The following TTLL7 variants were observed in gnomAD, a reference collection of about 807,000 sequenced individuals.
The protein encoded by TTLL7 is tubulin polyglutamylase TTLL7.
In TTLL7, 53 loss-of-function variants were observed where a neutral mutation model predicts 120.2. The ratio of observed to expected loss-of-function variants is 0.44; its 90% CI spans 0.35 to 0.55. The LOEUF (loss-of-function observed/expected upper bound fraction) is 0.55, where lower values mean the gene tolerates loss of function less well. Ranked by LOEUF, TTLL7 falls within the 20% of genes least tolerant of loss-of-function variation. The pLI is 0.00. For missense variants in TTLL7, 803 were observed against 1,054.7 expected, an observed-to-expected ratio of 0.76 and a Z score of 3.31; for synonymous variants, 353 against 351.7, an observed-to-expected ratio of 1.00 and a Z score of -0.04.
intron 18 of TTLL7, among the ~76,000 whole-genome samples, chr1:83,896,801 CTTAGTT>C (rs1656264201): frequency 6.6e-6 from 1 of 152,092 alleles, no homozygotes; most frequent in African/African-American, 2.4e-5. Context: ...ATCCTCCACT[CTTAGTT>C]TATGTTTAGG....
intron 19 of TTLL7, 27 bp downstream of exon 19, chr1:83,890,294 G>A (rs890341145): frequency 1.7e-5 from 27 of 1,570,950 alleles, no homozygotes; most frequent in Non-Finnish European, 2.1e-5. Flanking sequence ...TAAAAATGAC[G>A]ATAATAAAAG....
intron 9 of TTLL7, among the ~76,000 whole-genome samples, chr1:83,931,501 A>G (rs988202938): frequency 6.6e-6 from 1 of 152,012 alleles, no homozygotes; most frequent in Non-Finnish European, 1.5e-5. Flanking sequence ...ACAGGTACAC[A>G]GAGATATTAA....
At chr1:83,895,981 C>T (rs1347472690) in intron 18 of TTLL7, among the ~76,000 whole-genome samples, 1 of 152,046 alleles carries the variant, frequency 6.6e-6, no homozygotes. Context: ...AATGACTGTA[C>T]TTTTAGCCAA....
At chr1:83,874,693 C>T (rs536710512) in intron 20 of TTLL7, among the ~76,000 whole-genome samples, 1 of 152,010 alleles carries the variant, frequency 6.6e-6, no homozygotes, top group African/African-American at 2.4e-5. Context: ...TGCACTAAAT[C>T]CTGTGGTTTT....
At chr1:83,947,404 C>T in intron 5 of TTLL7, 122 bp from the exon 6 acceptor site, 1 of 846,488 alleles carries the variant, frequency 1.2e-6, no homozygotes, top group Non-Finnish European at 1.8e-6. Flanking sequence ...TTTACTTATT[C>T]ATTGATTTCA....
intron 1 of TTLL7, among the ~76,000 whole-genome samples, chr1:83,955,557 G>A (rs1649434779): frequency 6.6e-6 from 1 of 152,134 alleles, no homozygotes; most frequent in African/African-American, 2.4e-5. Flanking sequence ...CATCTTAAAA[G>A]CAGAAACAGC....
chr1:83,877,318 T>G (rs1368277368), intron 20 of TTLL7, among the ~76,000 whole-genome samples: 1 of 151,970 alleles, frequency 6.6e-6, no homozygotes, highest in East Asian at 1.9e-4. Flanking sequence ...TGTTTAGGAG[T>G]GCAATTGAAC....
chr1:83,910,455 C>T (rs1372821246), intron 15 of TTLL7, among the ~76,000 whole-genome samples: 2 of 151,974 alleles, frequency 1.3e-5, no homozygotes, highest in Admixed American at 6.6e-5. Flanking sequence ...CCACACTGGA[C>T]ATTTGGGGAT....
At chr1:83,984,378 TA>T (rs1381479033) in intron 1 of TTLL7, 1 of 152,152 alleles carries the variant, frequency 6.6e-6, no homozygotes, top group Non-Finnish European at 1.5e-5. Flanking sequence ...CAAAATAACT[TA>T]AAACAGAACT....
chr1:83,952,239 G>A lies in TTLL7; in HGVS notation c.-28C>T, dbSNP rs756498059. The stretch of plus-strand genomic sequence containing the variant: ...TTGCCTGTGCTGATTAGCAAGCAGT[G>A]TGTGCTGCTGTACCAAGCTCTCAGG... On this transcript the variant is annotated 5_prime_UTR_variant, in exon 2 of 21. Coordinates refer to ENST00000260505, the MANE Select transcript of TTLL7 (RefSeq NM_024686.6). The A allele has an allele frequency of 1.9e-6, 3 of 1,613,544 alleles. No homozygotes were observed. Among genetic ancestry groups the A allele is most frequent in the South Asian group, 2.2e-5 (2 of 90,984 alleles).
chr1:83,997,371 G>A (rs1343675487), intron 1 of TTLL7, among the ~76,000 whole-genome samples: 1 of 152,112 alleles, frequency 6.6e-6, no homozygotes, highest in African/African-American at 2.4e-5. Context: ...CCCATCAACG[G>A]GCGAAGAAAG....
intron 2 of TTLL7, 24 bp downstream of exon 2, chr1:83,952,163 A>G (rs776225308): frequency 2.5e-6 from 4 of 1,610,452 alleles, no homozygotes; most frequent in East Asian, 2.2e-5. Context: ...ATATTTTGTA[A>G]CATAGTTAAG....
chr1:83,985,663 AACATAGCAAG>A (rs1652376098), intron 1 of TTLL7, among the ~76,000 whole-genome samples: 21 of 152,210 alleles, frequency 1.4e-4, no homozygotes, highest in Admixed American at 1.2e-3. Context: ...CAACCTGGGC[AACATAGCAAG>A]GCCTGTCTCT....
chr1:83,928,698 T>C (rs1659339391), intron 10 of TTLL7, among the ~76,000 whole-genome samples: 1 of 152,184 alleles, frequency 6.6e-6, no homozygotes, highest in African/African-American at 2.4e-5. Context: ...GAGTTTTTTT[T>C]TTAATTTCCT....
intron 10 of TTLL7, among the ~76,000 whole-genome samples, chr1:83,923,578 G>A (rs1658862816): frequency 6.6e-6 from 1 of 152,032 alleles, no homozygotes; most frequent in East Asian, 1.9e-4. Context: ...GCACATAGAA[G>A]TTCCTTCAGA....
intron 9 of TTLL7, 143 bp downstream of exon 9, chr1:83,933,465 T>C (rs749142714): frequency 6.5e-5 from 54 of 824,646 alleles, no homozygotes; most frequent in Non-Finnish European, 9.2e-5. Context: ...CCTGAATTTT[T>C]ATCCTCTTCT....
At chr1:83,976,100 G>A (rs1253981863) in intron 1 of TTLL7, among the ~76,000 whole-genome samples, 3 of 150,250 alleles carry the variant, frequency 2.0e-5, no homozygotes, top group African/African-American at 7.3e-5. Flanking sequence ...ATGTCAAGAA[G>A]TAAATTGTAT....
intron 1 of TTLL7, among the ~76,000 whole-genome samples, chr1:83,992,452 AC>A (rs1653088957): frequency 6.7e-6 from 1 of 150,152 alleles, no homozygotes; most frequent in African/African-American, 2.4e-5. Flanking sequence ...GAAAAAAAAA[AC>A]AAAAGGACTA....
Position 83,906,460 on chromosome 1 carries a change from C to A in TTLL7, c.1996G>T (p.Glu666Ter). ...DACSTNSQVS[E>*]SLRQLKTKEQ... ...TTTGTTTTCAGTTGCCGCAAAGACT[C>A]ACTCTTAAATTTGAAAGAATACAGA... The change falls in exon 17 of 21, where the codon GAG (glutamate) becomes TAG (stop). Residue 666 changes from glutamate to a stop codon, truncating the protein, a stop_gained. Coordinates refer to ENST00000260505, the MANE Select transcript of TTLL7 (RefSeq NM_024686.6). LOFTEE classifies it high-confidence loss of function. 1 of 1,611,694 alleles carries A rather than the reference C, an allele frequency of 6.2e-7. No homozygotes were observed. The highest frequency in any genetic ancestry group is 8.5e-7 in the Non-Finnish European group (1 of 1,178,638).
Sources: gnomAD v4.1 joint callset for allele counts (sites outside exome capture counted in the v4.1 genomes callset) on GRCh38, gnomAD v4.1.1 for gene constraint, MANE v1.5 for transcripts, NCBI Gene and HGNC (gene_info 2026-07-23, HGNC 2026-07-21) for gene names.